Variants in ASXL3 observed in about 807,000 individuals in gnomAD.
The protein encoded by ASXL3 is ASXL transcriptional regulator 3.
In ASXL3, 34 loss-of-function variants were observed where a neutral mutation model predicts 170.6. The observed-to-expected ratio is 0.20, with a 90% confidence interval of 0.15 to 0.27. The LOEUF (loss-of-function observed/expected upper bound fraction) is 0.27, where lower values mean the gene tolerates loss of function less well. Among genes scored for constraint, ASXL3 ranks in the 10% least tolerant of loss-of-function variants. ASXL3 has a pLI of 1.00. For synonymous variants in ASXL3, 1,002 were observed against 989.1 expected (o/e 1.01, Z -0.24); for missense variants, 2,592 against 2,695.3 (o/e 0.96, Z 0.85).
At chr18:33,611,456 T>G (rs943162606) in intron 2 of ASXL3, among the ~76,000 whole-genome samples, 12 of 152,072 alleles carry the variant, frequency 7.9e-5, no homozygotes, top group African/African-American at 2.9e-4. Flanking sequence ...GTGTGCTTGC[T>G]TCACTGATTC....
Position 33,578,596 on chromosome 18 carries a change from C to T in ASXL3, c.-36C>T, listed in dbSNP as rs756895263. 7.9e-7 allele frequency: 1 copy of T among 1,260,784 alleles called. No homozygotes were observed. Among genetic ancestry groups the T allele is most frequent in the Non-Finnish European group, 1.0e-6 (1 of 970,810 alleles). The allele number at this position is 1,260,784 out of a possible 1,614,324, so 78.1% of individuals were successfully genotyped here. A position where few individuals can be genotyped will look rare whatever the true frequency, so the allele number is the denominator to read the frequency against. ...AACCCCGAGCACCCCGTGGAATCCC[C>T]CACGTCATCATCAGAACCATCAATG... On this transcript the variant is annotated 5_prime_UTR_variant, in exon 1 of 12. Transcript: ENST00000269197.
chr18:33,617,004 A>G (rs1018473448), intron 2 of ASXL3, among the ~76,000 whole-genome samples: 2 of 152,190 alleles, frequency 1.3e-5, no homozygotes, highest in Non-Finnish European at 2.9e-5. Flanking sequence ...ACCGTGATTC[A>G]GAATTTGGAA....
intron 2 of ASXL3, among the ~76,000 whole-genome samples, chr18:33,632,680 T>C (rs545560978): frequency 2.0e-5 from 3 of 152,310 alleles, no homozygotes; most frequent in African/African-American, 7.2e-5. Flanking sequence ...TTTTTGTCTT[T>C]GCATGTATTT....
intron 4 of ASXL3, among the ~76,000 whole-genome samples, chr18:33,648,556 G>A (rs1460504684): frequency 1.3e-5 from 2 of 152,086 alleles, no homozygotes; most frequent in Admixed American, 6.6e-5. Flanking sequence ...AGGTGGACAT[G>A]TTAAATAACT....
intron 11 of ASXL3, 92 bp from the exon 12 acceptor site, chr18:33,742,796 C>T: frequency 6.9e-7 from 1 of 1,447,998 alleles, no homozygotes; most frequent in Non-Finnish European, 9.1e-7. Flanking sequence ...GAGAATGCAG[C>T]TAGTCTTTTC....
At position 33,743,075 on chromosome 18, in the gene ASXL3, T is replaced by C; in HGVS notation, c.3227T>C (p.Val1076Ala). 1 of 1,612,700 alleles carries C rather than the reference T, an allele frequency of 6.2e-7. No homozygotes were observed. The highest frequency in any genetic ancestry group is 8.5e-7 in the Non-Finnish European group (1 of 1,179,640). The change falls in exon 12 of 12, where the codon GTG becomes GCG. Residue 1076 changes from valine (V) to alanine (A), a missense_variant. Coordinates refer to ENST00000269197, the MANE Select transcript of ASXL3 (RefSeq NM_030632.3). The part of the protein sequence containing the change: ...AQREAAAAAA[V>A]AAAASIVSGA... ...CGAGAGGCTGCTGCAGCTGCTGCTGTGGCTGCTGCAGCGAGCATTGTCTCT... is the reference window on the plus strand; with the variant it reads ...CGAGAGGCTGCTGCAGCTGCTGCTGCGGCTGCTGCAGCGAGCATTGTCTCT...
At chr18:33,680,390 C>G (rs2066496642) in intron 7 of ASXL3, among the ~76,000 whole-genome samples, 1 of 152,062 alleles carries the variant, frequency 6.6e-6, no homozygotes, top group African/African-American at 2.4e-5. Flanking sequence ...GTTTTGTTTT[C>G]TTGCTGCTTT....
intron 7 of ASXL3, among the ~76,000 whole-genome samples, chr18:33,676,803 C>A (rs1241806092): frequency 6.6e-6 from 1 of 152,132 alleles, no homozygotes; most frequent in African/African-American, 2.4e-5. Context: ...AAAGGATAAA[C>A]CACTTAAAAC....
chr18:33,700,465 C>T (rs1215606183), intron 8 of ASXL3, among the ~76,000 whole-genome samples: 2 of 151,170 alleles, frequency 1.3e-5, no homozygotes, highest in African/African-American at 4.9e-5. Flanking sequence ...TTTTTTTCCC[C>T]AGGAAAGTAG....
intron 8 of ASXL3, among the ~76,000 whole-genome samples, chr18:33,709,089 C>G (rs1257763667): frequency 1.3e-5 from 2 of 152,052 alleles, no homozygotes; most frequent in Non-Finnish European, 2.9e-5. Flanking sequence ...AATACAACTG[C>G]TTGACCAGGA....
chr18:33,687,043 T>A (rs1238013723), intron 8 of ASXL3, among the ~76,000 whole-genome samples: 3 of 152,178 alleles, frequency 2.0e-5, no homozygotes, highest in African/African-American at 7.2e-5. Context: ...CCAGACATAT[T>A]TTCTACCCAG....
chr18:33,635,302 A>G (rs2065747610), intron 2 of ASXL3, among the ~76,000 whole-genome samples: 1 of 152,200 alleles, frequency 6.6e-6, no homozygotes, highest in Non-Finnish European at 1.5e-5. Flanking sequence ...AAAACTAGGT[A>G]GAGACTTATT....
chr18:33,733,870 G>A (rs1051196342), intron 9 of ASXL3, among the ~76,000 whole-genome samples: 1 of 151,936 alleles, frequency 6.6e-6, no homozygotes, highest in African/African-American at 2.4e-5. Context: ...CTCCTTAATC[G>A]ACCTAGGCAG....
chr18:33,639,771 T>C (rs1318425735), intron 2 of ASXL3, among the ~76,000 whole-genome samples: 1 of 152,156 alleles, frequency 6.6e-6, no homozygotes, highest in Non-Finnish European at 1.5e-5. Flanking sequence ...ATAAGAGTTC[T>C]AAATTCAAAT....
chr18:33,607,824 T>G (rs1427270669), intron 2 of ASXL3, 148 bp downstream of exon 2: 2 of 683,354 alleles, frequency 2.9e-6, no homozygotes, highest in Non-Finnish European at 5.0e-6. Context: ...AATCGTTGGA[T>G]GATTTAAGAT....
intron 2 of ASXL3, among the ~76,000 whole-genome samples, chr18:33,624,661 C>T (rs1052992676): frequency 1.3e-5 from 2 of 152,130 alleles, no homozygotes; most frequent in African/African-American, 4.8e-5. Context: ...AGTCCTGTGT[C>T]TGCACCGTCA....
At chr18:33,611,636 G>A (rs2065338196) in intron 2 of ASXL3, among the ~76,000 whole-genome samples, 1 of 152,050 alleles carries the variant, frequency 6.6e-6, no homozygotes. Context: ...TTTGTGGATG[G>A]ATATTTGATA....
rs1477433909 is a variant in ASXL3 at position 33,745,056 on chromosome 18, A to C, written c.5208A>C (p.Ser1736=). 6.2e-7 allele frequency: 1 copy of C among 1,614,012 alleles called. No individual in the cohort carries two copies. Among genetic ancestry groups the C allele is most frequent in the South Asian group, 1.1e-5 (1 of 91,084 alleles). Residue 1736 remains serine (S), a synonymous_variant, in exon 12 of 12, where the codon TCA becomes TCC. Transcript: ENST00000269197. ...ALKRVPGAGS[S]GCRLSSVEAN... ...AGAGAGTCCCTGGTGCAGGGAGCTC[A>C]GGCTGTCGTCTGTCCTCTGTGGAGG...
At chr18:33,650,364 T>C (rs1369797549) in intron 4 of ASXL3, among the ~76,000 whole-genome samples, 2 of 152,042 alleles carry the variant, frequency 1.3e-5, no homozygotes, top group Admixed American at 1.3e-4. Flanking sequence ...TATAGGTCAC[T>C]TATTCCATTT....
Sources: allele counts gnomAD v4.1 joint callset (sites outside exome capture counted in the v4.1 genomes callset), GRCh38; gene constraint gnomAD v4.1.1; transcripts MANE v1.5; gene names NCBI Gene and HGNC (gene_info 2026-07-23, HGNC 2026-07-21).